ANKH: variants seen among roughly 807,000 people sequenced by gnomAD.
The protein encoded by ANKH is mineralization regulator ANKH.
ANKH carries 15 observed loss-of-function variants against 49.0 expected under a neutral mutation model. That is an observed-to-expected ratio of 0.31 (90% CI 0.20 to 0.47). ANKH has a LOEUF of 0.47. ANKH is among the 20% of genes least tolerant of loss of function. The pLI is 1.00. For synonymous variants in ANKH, 273 were observed against 260.0 expected (o/e 1.05, Z -0.48); for missense variants, 429 against 652.0 (o/e 0.66, Z 3.72).
chr5:14,762,480 CT>C (rs1739118935), intron 2 of ANKH, among the ~76,000 whole-genome samples: 1 of 152,126 alleles, frequency 6.6e-6, no homozygotes, highest in African/African-American at 2.4e-5. Context: ...CTTTTAACTT[CT>C]TTTTATTTCA....
At chr5:14,801,516 CT>C (rs1199963686) in intron 1 of ANKH, among the ~76,000 whole-genome samples, 4 of 152,186 alleles carry the variant, frequency 2.6e-5, no homozygotes, top group Non-Finnish European at 5.9e-5. Flanking sequence ...AACTCTTTCT[CT>C]TTTTTAGCTA....
intron 8 of ANKH, among the ~76,000 whole-genome samples, chr5:14,718,373 A>G (rs1276308637): frequency 6.6e-6 from 1 of 152,172 alleles, no homozygotes; most frequent in East Asian, 1.9e-4. Flanking sequence ...GGTCAAAACT[A>G]TGGAAAAAAC....
intron 1 of ANKH, among the ~76,000 whole-genome samples, chr5:14,818,644 C>CAA (rs34629052): frequency 4.6e-3 from 297 of 64,080 alleles, no homozygotes; most frequent in Middle Eastern, 0.012. Flanking sequence ...AACTCCATCT[C>CAA]AAAAAAAAAA....
rs567861401 is a variant in ANKH, at chr5:14,861,639, G to A, written c.96+9713C>T. On this transcript the variant is annotated intron_variant, in intron 1 of 11. Coordinates refer to ENST00000284268, the MANE Select transcript of ANKH (RefSeq NM_054027.6). ...CGTACAGCCCCTCCTCTGTCCCCCA[G>A]GCTGGGGACAGTGATGTCAGCCCAT... Among the ~76,000 whole-genome samples the A allele has an allele frequency of 7.9e-5, 12 of 152,284 alleles. No individual in the cohort carries two copies. In the South Asian group the frequency reaches 2.5e-3, roughly 32 times the overall value.
At chr5:14,711,440 G>T in intron 11 of ANKH, 130 bp from the exon 12 acceptor site, 1 of 761,064 alleles carries the variant, frequency 1.3e-6, no homozygotes, top group Non-Finnish European at 2.3e-6. Flanking sequence ...TTATGGTTGG[G>T]GTGGCGTCAC....
chr5:14,836,070 C>T (rs938205228), intron 1 of ANKH, among the ~76,000 whole-genome samples: 9 of 152,182 alleles, frequency 5.9e-5, no homozygotes, highest in Non-Finnish European at 1.2e-4. Context: ...TTCAACAGCC[C>T]TTCATGCTAA....
At chr5:14,748,778 C>A (rs1051840137) in intron 6 of ANKH, among the ~76,000 whole-genome samples, 6 of 152,240 alleles carry the variant, frequency 3.9e-5, no homozygotes, top group African/African-American at 1.4e-4. Flanking sequence ...GGCATGCATG[C>A]TCCATCATCC....
At chr5:14,848,560 T>C (rs564524768) in intron 1 of ANKH, among the ~76,000 whole-genome samples, 1 of 152,350 alleles carries the variant, frequency 6.6e-6, no homozygotes, top group African/African-American at 2.4e-5. Flanking sequence ...GACCCGCCGC[T>C]GACTTCCACC....
In ANKH at chr5:14,818,860, A is replaced by G. The variant is rs1741120318; in HGVS notation, c.97-49669T>C. Reference sequence around the variant, plus strand: ...TCTTTGAAATGTGCACACAATGGACACTTAGTAGAGGATACCTTCAGCAAA... The same window carrying G: ...TCTTTGAAATGTGCACACAATGGACGCTTAGTAGAGGATACCTTCAGCAAA... On this transcript the variant is annotated intron_variant, in intron 1 of 11. Transcript: ENST00000284268. Among the ~76,000 whole-genome samples the G allele has an allele frequency of 2.0e-5, 3 of 152,186 alleles. No homozygotes were observed. In the South Asian group the frequency reaches 6.2e-4, roughly 32 times the overall value.
intron 8 of ANKH, 139 bp downstream of exon 8, chr5:14,741,684 GAAGA>G: frequency 2.9e-6 from 2 of 684,828 alleles, no homozygotes; most frequent in Non-Finnish European, 2.6e-6. Context: ...CACATTTGAA[GAAGA>G]AAGTGTATTG....
chr5:14,839,400 G>A (rs1741753233), intron 1 of ANKH, among the ~76,000 whole-genome samples: 1 of 151,708 alleles, frequency 6.6e-6, no homozygotes, highest in African/African-American at 2.4e-5. Flanking sequence ...CGCACAGACA[G>A]AGTTTTGGCT....
chr5:14,840,333 G>A (rs964149200), intron 1 of ANKH, among the ~76,000 whole-genome samples: 3 of 152,158 alleles, frequency 2.0e-5, no homozygotes, highest in Non-Finnish European at 2.9e-5. Flanking sequence ...TAGTATTCCA[G>A]CAGGGTAGAA....
In ANKH at chr5:14,739,881, C is replaced by A. The variant is rs182967678; in HGVS notation, c.1011+1946G>T. Among the ~76,000 whole-genome samples the A allele has an allele frequency of 2.9e-3, 449 of 152,300 alleles. 2 individuals are homozygous for A. The highest frequency in any genetic ancestry group is 0.01 in the African/African-American group (423 of 41,540). On this transcript the variant is annotated intron_variant, in intron 8 of 11. Transcript: ENST00000284268. ...GAAGGTGAAAATTTACCCTGAGAAA[C>A]TTCAAGTCACAGATGGTTTTTAGAT...
At chr5:14,840,135 T>C (rs1741776744) in intron 1 of ANKH, among the ~76,000 whole-genome samples, 1 of 152,200 alleles carries the variant, frequency 6.6e-6, no homozygotes, top group Non-Finnish European at 1.5e-5. Context: ...TAACATTTGC[T>C]CTCATCCTTA....
rs146181038 is a variant in ANKH at position 14,856,598 on chromosome 5, T to C, written c.96+14754A>G. On this transcript the variant is annotated intron_variant, in intron 1 of 11. Coordinates refer to ENST00000284268, the MANE Select transcript of ANKH (RefSeq NM_054027.6). ...AGGCCCCAGAGACTCAGTTCACTTC[T>C]GGATGAAGATGAACCATTTCCCCTC... Among the ~76,000 whole-genome samples the C allele has an allele frequency of 2.5e-3, 353 of 142,160 alleles. 3 individuals are homozygous for C. Among genetic ancestry groups the C allele is most frequent in the African/African-American group, 8.9e-3 (338 of 38,110 alleles). 93.3% of individuals were successfully genotyped at this position (142,160 alleles called of 152,430 possible).
In ANKH at chr5:14,840,212, T is replaced by G. The variant is rs369069510; in HGVS notation, c.96+31140A>C. Among the ~76,000 whole-genome samples the G allele has an allele frequency of 3.9e-4, 59 of 152,336 alleles. 1 individual carries two copies. In the South Asian group the frequency reaches 0.012, roughly 30 times the overall value. The stretch of plus-strand genomic sequence containing the variant: ...CCAATGCTCTTCTATCCTCAACAAG[T>G]GAAGTGTCTGGCCAGGGCAAGGAAT... On this transcript the variant is annotated intron_variant, in intron 1 of 11. Coordinates refer to ENST00000284268, the MANE Select transcript of ANKH (RefSeq NM_054027.6).
rs551091863 is a variant in ANKH, at chr5:14,708,190, C to G, written c.*3007G>C. On this transcript the variant is annotated 3_prime_UTR_variant, in exon 12 of 12. Transcript: ENST00000284268. The stretch of plus-strand genomic sequence containing the variant: ...TTAGGATGACGTCCCTTGTGCTACT[C>G]AAACAGGCCACCAAAGGAGGAGCTC... The G allele has an allele frequency of 1.7e-4, 26 of 152,360 alleles. No individual in the cohort carries two copies. The South Asian group carries it at 5.4e-3, about 32-fold the overall frequency. 9.4% of individuals were successfully genotyped at this position (152,360 alleles called of 1,614,324 possible).
intron 1 of ANKH, among the ~76,000 whole-genome samples, chr5:14,788,739 G>C (rs1278974832): frequency 6.6e-6 from 1 of 152,118 alleles, no homozygotes; most frequent in African/African-American, 2.4e-5. Context: ...CTGTAACAAA[G>C]GCTAAGACAG....
Position 14,705,577 on chromosome 5 carries a change from C to T in ANKH, c.*5620G>A, listed in dbSNP as rs913073195. The stretch of plus-strand genomic sequence containing the variant: ...CGTGTGTGGCTCTTGTCCACTTTCC[C>T]GAAGCCCTTTGATTAACTCCTTGGC... On this transcript the variant is annotated 3_prime_UTR_variant, in exon 12 of 12. Transcript: ENST00000284268. The T allele has an allele frequency of 2.0e-5, 3 of 152,280 alleles. No individual in the cohort carries two copies. Among genetic ancestry groups the T allele is most frequent in the African/African-American group, 4.8e-5 (2 of 41,450 alleles). The allele number at this position is 152,280 out of a possible 1,614,324, so 9.4% of individuals were successfully genotyped here. A position where few individuals can be genotyped will look rare whatever the true frequency, so the allele number is the denominator to read the frequency against.
Sources: allele counts gnomAD v4.1 joint callset (sites outside exome capture counted in the v4.1 genomes callset), GRCh38; gene constraint gnomAD v4.1.1; transcripts MANE v1.5; gene names NCBI Gene and HGNC (gene_info 2026-07-23, HGNC 2026-07-21).